DGKD: variants seen among roughly 807,000 people sequenced by gnomAD.
DGKD encodes diacylglycerol kinase delta.
In DGKD, 68 loss-of-function variants were observed where a neutral mutation model predicts 154.4. The ratio of observed to expected loss-of-function variants is 0.44; its 90% CI spans 0.36 to 0.54. The LOEUF is 0.54. Ranked by LOEUF, DGKD falls within the 20% of genes least tolerant of loss-of-function variation. The pLI, the probability that DGKD is intolerant of heterozygous loss-of-function variation, is 0.00. For synonymous variants in DGKD, 693 were observed against 638.0 expected (o/e 1.09, Z -1.30); for missense variants, 1,343 against 1,593.6 (o/e 0.84, Z 2.68).
In DGKD at chr2:233,470,735, A is replaced by G. The variant is rs1057018313; in HGVS notation, c.*1275A>G. Reference sequence around the variant, plus strand: ...AGGTGCTTGTAAATGTCTTGGGAAGAGGTTTCTGTAACCCCTGCCCTGGTG... The same window carrying G: ...AGGTGCTTGTAAATGTCTTGGGAAGGGGTTTCTGTAACCCCTGCCCTGGTG... On this transcript the variant is annotated 3_prime_UTR_variant, in exon 30 of 30. Transcript: ENST00000264057. 1.1e-4 allele frequency: 16 copies of G among 151,980 alleles called. No individual in the cohort carries two copies. Among genetic ancestry groups the G allele is most frequent in the African/African-American group, 3.6e-4 (15 of 41,264 alleles). 9.4% of individuals were successfully genotyped at this position (151,980 alleles called of 1,614,324 possible). A position where few individuals can be genotyped will look rare whatever the true frequency, so the allele number is the denominator to read the frequency against.
At position 233,434,865 on chromosome 2, in the gene DGKD, C is replaced by T. The variant is rs1398006644; in HGVS notation, c.550C>T (p.Leu184=). 6.2e-6 allele frequency: 10 copies of T among 1,614,058 alleles called. No individual in the cohort carries two copies. Among genetic ancestry groups the T allele is most frequent in the Non-Finnish European group, 8.5e-6 (10 of 1,180,050 alleles). Residue 184 remains leucine (L), a synonymous_variant, in exon 5 of 30, where the codon CTG becomes TTG. Transcript: ENST00000264057. ...PTYCNVCREA[L]SGVTSHGLSC... ...CTACTGCAATGTGTGCCGTGAGGCT[C>T]TGTCTGGGGTCACGTCGCACGGGCT... is the stretch of plus-strand genomic sequence containing the variant.
At chr2:233,467,019 TG>T in intron 27 of DGKD, 66 bp from the exon 28 acceptor site, 1 of 1,292,888 alleles carries the variant, frequency 7.7e-7, no homozygotes, top group Non-Finnish European at 1.1e-6. Flanking sequence ...GCCTCTCTGG[TG>T]GAGATGGGCA....
rs1173848330 is a variant in DGKD at position 233,458,824 on chromosome 2, C to G, written c.2694+427C>G. On this transcript the variant is annotated intron_variant, in intron 22 of 29. Coordinates refer to ENST00000264057, the MANE Select transcript of DGKD (RefSeq NM_152879.3). This position sits in a 1 kb window ranked among gnomAD's most constrained non-coding sequence, Gnocchi z 6.6. ...GGCCAGGCTGGTCTCGAACTCCTGA[C>G]CTCAAATGATCCACCCACCTTGGCC... Among the ~76,000 whole-genome samples, 1 of 152,102 alleles carries G rather than the reference C, an allele frequency of 6.6e-6. No homozygotes were observed. Among genetic ancestry groups the G allele is most frequent in the Non-Finnish European group, 1.5e-5 (1 of 68,028 alleles).
At chr2:233,359,639 A>C (rs1701688291) in intron 1 of DGKD, among the ~76,000 whole-genome samples, 1 of 152,174 alleles carries the variant, frequency 6.6e-6, no homozygotes, top group African/African-American at 2.4e-5. Flanking sequence ...CCATTTTTTA[A>C]AGAAATCGTT....
At chr2:233,465,568 A>G (rs547091670) in intron 27 of DGKD, among the ~76,000 whole-genome samples, 42 of 152,354 alleles carry the variant, frequency 2.8e-4, no homozygotes, top group Admixed American at 9.8e-4. Flanking sequence ...GCTCGGCAAC[A>G]TAGTGAGACC....
At chr2:233,460,468 T>TGAGGGCC in intron 24 of DGKD, 123 bp downstream of exon 24, 1 of 1,284,018 alleles carries the variant, frequency 7.8e-7, no homozygotes, top group Non-Finnish European at 1.1e-6. Context: ...GCATTACCCA[T>TGAGGGCC]GAGGGCCGAG....
chr2:233,461,680 C>T (rs946638114), intron 24 of DGKD, among the ~76,000 whole-genome samples: 1 of 152,398 alleles, frequency 6.6e-6, no homozygotes, highest in African/African-American at 2.4e-5. Flanking sequence ...GCCCCTCTGG[C>T]CTGCCTGGAA....
chr2:233,389,831 G>C (rs537585655), intron 2 of DGKD, among the ~76,000 whole-genome samples: 1 of 152,150 alleles, frequency 6.6e-6, no homozygotes, highest in Non-Finnish European at 1.5e-5. Flanking sequence ...CCCTGCCCTG[G>C]AGCATCTTTC....
At chr2:233,362,280 T>C (rs959215780) in intron 1 of DGKD, among the ~76,000 whole-genome samples, 5 of 152,110 alleles carry the variant, frequency 3.3e-5, no homozygotes, top group African/African-American at 9.7e-5. Flanking sequence ...GAGACAGATA[T>C]AGTAAGAAGG....
intron 9 of DGKD, among the ~76,000 whole-genome samples, chr2:233,439,525 T>C (rs1294695582): frequency 6.6e-6 from 1 of 152,226 alleles, no homozygotes; most frequent in African/African-American, 2.4e-5. Flanking sequence ...TGGTGGAGGA[T>C]TGCATTCACT....
chr2:233,359,911 A>G (rs1273723147), intron 1 of DGKD, among the ~76,000 whole-genome samples: 1 of 152,222 alleles, frequency 6.6e-6, no homozygotes, highest in Admixed American at 6.5e-5. Context: ...AGAGGACATC[A>G]TAGGTGAATT....
rs550876349 is a variant in DGKD at position 233,462,691 on chromosome 2, C to T, written c.3142C>T (p.Leu1048=). Residue 1048 remains leucine, a synonymous_variant, in exon 26 of 30, where the codon CTG becomes TTG. Coordinates refer to ENST00000264057, the MANE Select transcript of DGKD (RefSeq NM_152879.3). ...VLEMVNNFRA[L]RSETELLLSG... ...GGAAATGGTGAATAACTTCAGAGCT[C>T]TGCGCAGTGAGACGGAGCTGCTGCT... 1.7e-5 allele frequency: 27 copies of T among 1,614,162 alleles called. 2 individuals carry two copies. The South Asian group carries it at 2.9e-4, about 17-fold the overall frequency.
At chr2:233,360,810 A>G (rs1290710804) in intron 1 of DGKD, among the ~76,000 whole-genome samples, 1 of 152,172 alleles carries the variant, frequency 6.6e-6, no homozygotes, top group South Asian at 2.1e-4. Context: ...GAAAAAGGTT[A>G]TGGGAAAATA....
intron 1 of DGKD, among the ~76,000 whole-genome samples, chr2:233,369,499 T>C (rs1702204301): frequency 6.6e-6 from 1 of 152,232 alleles, no homozygotes; most frequent in Non-Finnish European, 1.5e-5. Context: ...AGGACAAGAA[T>C]CACATCTTTT....
chr2:233,376,486 G>C (rs1702578800), intron 1 of DGKD, among the ~76,000 whole-genome samples: 1 of 152,082 alleles, frequency 6.6e-6, no homozygotes, highest in South Asian at 2.1e-4. Flanking sequence ...GCACATAGTA[G>C]GCACTCCATA....
chr2:233,460,456 C>G, intron 24 of DGKD, 111 bp downstream of exon 24: 1 of 1,382,892 alleles, frequency 7.2e-7, no homozygotes, highest in South Asian at 1.4e-5. Flanking sequence ...TTTGTGGGGT[C>G]TGCATTACCC....
At chr2:233,379,543 C>A (rs2125415196) in intron 1 of DGKD, among the ~76,000 whole-genome samples, 1 of 152,280 alleles carries the variant, frequency 6.6e-6, no homozygotes, top group African/African-American at 2.4e-5. Context: ...TCCCTGCCCC[C>A]TCCCACACTG....
In DGKD at chr2:233,438,748, TATCTATC is replaced by T. The variant is rs1480260052; in HGVS notation, c.1085+377_1085+383del. 5.5e-3 allele frequency among the ~76,000 whole-genome samples: 462 copies of T among 84,152 alleles called. 2 individuals are homozygous for T. Among genetic ancestry groups the T allele is most frequent in the African/African-American group, 0.02 (358 of 18,046 alleles). 55.2% of individuals were successfully genotyped at this position (84,152 alleles called of 152,430 possible). The stretch of plus-strand genomic sequence containing the variant: ...TTTTATAATTTTTTATTTATCTGTC[TATCTATC>T]ATCTATCTATCTATCTATCTATCTA... On this transcript the variant is annotated intron_variant, in intron 9 of 29. Transcript: ENST00000264057. This position sits in a 1 kb window ranked among gnomAD's most constrained non-coding sequence, Gnocchi z 4.1.
chr2:233,438,528 G>A lies in DGKD; in HGVS notation c.1085+149G>A. The A allele has an allele frequency of 2.0e-6, 2 of 1,005,322 alleles. No individual in the cohort carries two copies. The highest frequency in any genetic ancestry group is 2.6e-5 in the East Asian group (1 of 37,882). 62.3% of individuals were successfully genotyped at this position (1,005,322 alleles called of 1,614,324 possible). A position where few individuals can be genotyped will look rare whatever the true frequency, so the allele number is the denominator to read the frequency against. ...TCCTTCCCAAATTGCACTTGCAGAG[G>A]TGCCCACTCTTAATAGAGGTGCATG... On this transcript the variant is annotated intron_variant, in intron 9 of 29. Coordinates refer to ENST00000264057, the MANE Select transcript of DGKD (RefSeq NM_152879.3). This position sits in a 1 kb window ranked among gnomAD's most constrained non-coding sequence, Gnocchi z 4.1.
Sources: gnomAD v4.1 joint callset for allele counts (sites outside exome capture counted in the v4.1 genomes callset) on GRCh38, gnomAD v4.1.1 for gene constraint, Gnocchi (gnomAD v3.1) non-coding constraint, MANE v1.5 for transcripts, NCBI Gene and HGNC (gene_info 2026-07-23, HGNC 2026-07-21) for gene names.